The following MYRIP variants were observed in gnomAD, a reference collection of about 807,000 sequenced individuals.
The protein encoded by MYRIP is rab effector MyRIP.
A neutral mutation model predicts 98.0 loss-of-function variants in MYRIP; 49 were observed. That is an observed-to-expected ratio of 0.50 (90% CI 0.40 to 0.63). The LOEUF (loss-of-function observed/expected upper bound fraction) is 0.63. Ranked by LOEUF, MYRIP falls within the 30% of genes least tolerant of loss-of-function variation. The pLI, the probability that MYRIP is intolerant of heterozygous loss-of-function variation, is 0.00. For missense variants in MYRIP, 1,004 were observed against 1,058.2 expected, an observed-to-expected ratio of 0.95 and a Z score of 0.71; for synonymous variants, 404 against 409.5, an observed-to-expected ratio of 0.99 and a Z score of 0.16.
intron 10 of MYRIP, among the ~76,000 whole-genome samples, chr3:40,195,530 A>AG (rs1421187391): frequency 6.6e-6 from 1 of 152,138 alleles, no homozygotes; most frequent in Non-Finnish European, 1.5e-5. Flanking sequence ...TCCTGAGCTT[A>AG]AGCAATCCTC....
At chr3:39,850,541 C>T (rs1454967141) in intron 1 of MYRIP, among the ~76,000 whole-genome samples, 7 of 152,000 alleles carry the variant, frequency 4.6e-5, no homozygotes, top group Non-Finnish European at 2.9e-5. Flanking sequence ...TAGTAATTTG[C>T]TCTCTTTGGA....
chr3:39,887,417 G>C (rs1001157699), intron 1 of MYRIP, among the ~76,000 whole-genome samples: 12 of 152,066 alleles, frequency 7.9e-5, no homozygotes, highest in African/African-American at 2.9e-4. Flanking sequence ...TTTTTGAAAG[G>C]ATCAACAAAA....
chr3:40,026,521 A>G (rs1947133917), intron 2 of MYRIP, among the ~76,000 whole-genome samples: 1 of 152,136 alleles, frequency 6.6e-6, no homozygotes, highest in South Asian at 2.1e-4. Context: ...AAATTAAAGT[A>G]AGACAGGCAT....
chr3:40,020,900 C>T (rs1390182148), intron 2 of MYRIP, among the ~76,000 whole-genome samples: 1 of 152,086 alleles, frequency 6.6e-6, no homozygotes, highest in African/African-American at 2.4e-5. Flanking sequence ...GAAGGGATTC[C>T]ACCAGGCCCC....
intron 3 of MYRIP, among the ~76,000 whole-genome samples, chr3:40,075,539 C>A (rs1948324709): frequency 6.6e-6 from 1 of 152,196 alleles, no homozygotes; most frequent in Non-Finnish European, 1.5e-5. Context: ...CCTCTCTGTG[C>A]CTCAATCCTC....
chr3:40,043,757 G>GT (rs1028670437), intron 2 of MYRIP, among the ~76,000 whole-genome samples: 114 of 152,290 alleles, frequency 7.5e-4, no homozygotes, highest in African/African-American at 2.5e-3. Context: ...ATGCTTATTA[G>GT]TTTTTTAATA....
At chr3:40,020,599 C>A (rs1443736265) in intron 2 of MYRIP, among the ~76,000 whole-genome samples, 3 of 152,138 alleles carry the variant, frequency 2.0e-5, no homozygotes, top group Non-Finnish European at 4.4e-5. Flanking sequence ...GAGGGCTTTA[C>A]TAGGAAATCA....
chr3:40,253,300 G>A (rs71331117), intron 16 of MYRIP, among the ~76,000 whole-genome samples: 18,659 of 152,060 alleles, frequency 0.12, 2,021 homozygotes, highest in African/African-American at 0.3. Context: ...TTCAACAGCC[G>A]CGGTATCCTG....
At chr3:40,114,242 T>C (rs1949223287) in intron 3 of MYRIP, among the ~76,000 whole-genome samples, 1 of 152,214 alleles carries the variant, frequency 6.6e-6, no homozygotes, top group Admixed American at 6.5e-5. Context: ...GGTACACAAA[T>C]ACTTACATTA....
At chr3:40,207,695 A>C (rs1045592145) in intron 10 of MYRIP, among the ~76,000 whole-genome samples, 12 of 152,338 alleles carry the variant, frequency 7.9e-5, no homozygotes, top group African/African-American at 2.9e-4. Context: ...TGTGTGATGA[A>C]GTCCTTCCTG....
intron 1 of MYRIP, among the ~76,000 whole-genome samples, chr3:39,845,115 C>G (rs1436833401): frequency 6.6e-6 from 1 of 152,152 alleles, no homozygotes; most frequent in Non-Finnish European, 1.5e-5. Flanking sequence ...ACAACAACGG[C>G]AATAAAAGCA....
At chr3:40,030,823 CA>C (rs1327150633) in intron 2 of MYRIP, among the ~76,000 whole-genome samples, 1 of 151,930 alleles carries the variant, frequency 6.6e-6, no homozygotes, top group African/African-American at 2.4e-5. Flanking sequence ...AGGCTGAGGG[CA>C]GGGGAGAATG....
At chr3:39,941,763 T>A (rs1334480516) in intron 2 of MYRIP, among the ~76,000 whole-genome samples, 1 of 152,130 alleles carries the variant, frequency 6.6e-6, no homozygotes, top group East Asian at 1.9e-4. Context: ...CGGGTTATGA[T>A]TTTTTATAAC....
chr3:39,817,506 C>T (rs554932072), intron 1 of MYRIP, among the ~76,000 whole-genome samples: 2 of 152,252 alleles, frequency 1.3e-5, no homozygotes, highest in East Asian at 1.9e-4. Flanking sequence ...AATTTAAAAT[C>T]TTCTCATGGG....
At chr3:40,192,330 T>TATATATGTC (rs1553624982) in intron 10 of MYRIP, among the ~76,000 whole-genome samples, 24 of 100,060 alleles carry the variant, frequency 2.4e-4, no homozygotes, top group Admixed American at 4.4e-4. Flanking sequence ...ATATATGTCA[T>TATATATGTC]ATATATATAT....
At chr3:39,832,052 A>G (rs1332079398) in intron 1 of MYRIP, among the ~76,000 whole-genome samples, 2 of 152,212 alleles carry the variant, frequency 1.3e-5, no homozygotes, top group African/African-American at 2.4e-5. Context: ...TGTAGAAAAT[A>G]AGCACATCTG....
intron 3 of MYRIP, among the ~76,000 whole-genome samples, chr3:40,132,266 A>G (rs1175265992): frequency 6.6e-6 from 1 of 152,144 alleles, no homozygotes; most frequent in Non-Finnish European, 1.5e-5. Context: ...TAAAATTAGA[A>G]CTTAGTTACA....
chr3:39,980,317 A>G (rs956350311), intron 2 of MYRIP, among the ~76,000 whole-genome samples: 1 of 152,154 alleles, frequency 6.6e-6, no homozygotes, highest in Non-Finnish European at 1.5e-5. Context: ...TTGTTCCCCC[A>G]TGCAAATCAG....
intron 2 of MYRIP, among the ~76,000 whole-genome samples, chr3:39,987,352 G>A (rs1946055779): frequency 1.3e-5 from 2 of 152,096 alleles, no homozygotes; most frequent in Admixed American, 1.3e-4. Flanking sequence ...CCTTTTTATG[G>A]CTTCATAGTA....
Sources: gnomAD v4.1 joint callset for allele counts (sites outside exome capture counted in the v4.1 genomes callset) on GRCh38, gnomAD v4.1.1 for gene constraint, MANE v1.5 for transcripts, NCBI Gene and HGNC (gene_info 2026-07-23, HGNC 2026-07-21) for gene names.